The following XYLT1 variants were observed in gnomAD, a reference collection of about 807,000 sequenced individuals.
XYLT1 encodes the protein xylosyltransferase 1.
In XYLT1, 36 loss-of-function variants were observed where a neutral mutation model predicts 91.3. The observed-to-expected ratio is 0.39, with a 90% CI of 0.30 to 0.52. The LOEUF (loss-of-function observed/expected upper bound fraction) is 0.52. XYLT1 is among the 20% of genes least tolerant of loss of function. XYLT1 has a pLI of 0.68. For synonymous variants in XYLT1, 588 were observed against 532.0 expected, an observed-to-expected ratio of 1.11 and a Z score of -1.45; for missense variants, 1,242 against 1,284.5, an observed-to-expected ratio of 0.97 and a Z score of 0.51.
chr16:17,134,772 AG>A, intron 8 of XYLT1, 37 bp from the exon 9 acceptor site: 1 of 1,607,680 alleles, frequency 6.2e-7, no homozygotes, highest in Non-Finnish European at 8.5e-7. Flanking sequence ...AAGCCACATC[AG>A]CGAGTGCTGG....
At chr16:17,282,660 A>G (rs2034075313) in intron 2 of XYLT1, among the ~76,000 whole-genome samples, 2 of 152,214 alleles carry the variant, frequency 1.3e-5, no homozygotes, top group Admixed American at 1.3e-4. Context: ...TGGGTCTTTC[A>G]TGGTGTAACT....
rs561462565 is a variant in XYLT1 at position 17,287,782 on chromosome 16, C to A, written c.403-28284G>T. Among the ~76,000 whole-genome samples the A allele has an allele frequency of 5.3e-5, 8 of 152,218 alleles. 1 individual carries two copies. In the East Asian group the frequency reaches 1.5e-3, roughly 29 times the overall value. The stretch of plus-strand genomic sequence containing the variant: ...GGCAAAAGAAAGACAGACAGACAGA[C>A]GCTGGGCATCTAAAGAAGGGGTGGA... On this transcript the variant is annotated intron_variant, in intron 2 of 11. Coordinates refer to ENST00000261381, the MANE Select transcript of XYLT1 (RefSeq NM_022166.4).
At position 17,172,204 on chromosome 16, in the gene XYLT1, C is replaced by T. The variant is rs141946233; in HGVS notation, c.1290-13295G>A. On this transcript the variant is annotated intron_variant, in intron 5 of 11. Coordinates refer to ENST00000261381, the MANE Select transcript of XYLT1 (RefSeq NM_022166.4). ...TATTCCCTCCTTCCTTCCCTCCTCT[C>T]TCCCTTTTTTTTCTCTCCCTCTTCC... Among the ~76,000 whole-genome samples, 951 of 152,192 alleles carry T rather than the reference C, an allele frequency of 6.2e-3. 6 individuals are homozygous for T. Among genetic ancestry groups the T allele is most frequent in the African/African-American group, 0.022 (907 of 41,506 alleles).
At chr16:17,303,129 A>C (rs111379385) in intron 2 of XYLT1, among the ~76,000 whole-genome samples, 2 of 152,194 alleles carry the variant, frequency 1.3e-5, no homozygotes, top group African/African-American at 2.4e-5. Context: ...ACCATGTGCA[A>C]AGAATTGGGC....
intron 5 of XYLT1, among the ~76,000 whole-genome samples, chr16:17,175,143 A>G (rs758028088): frequency 2.0e-5 from 3 of 152,166 alleles, no homozygotes; most frequent in Non-Finnish European, 2.9e-5. Context: ...GAACCCCAAA[A>G]TTTCAAACTG....
chr16:17,274,103 C>A (rs1056829126), intron 2 of XYLT1, among the ~76,000 whole-genome samples: 6 of 151,758 alleles, frequency 4.0e-5, no homozygotes, highest in Non-Finnish European at 8.8e-5. Context: ...GTAGAGACAG[C>A]GTTTCACCAT....
chr16:17,352,452 C>G (rs2035235077), intron 2 of XYLT1, among the ~76,000 whole-genome samples: 1 of 152,192 alleles, frequency 6.6e-6, no homozygotes, highest in African/African-American at 2.4e-5. Flanking sequence ...TTCATCTTGA[C>G]ATTATAATGA....
intron 1 of XYLT1, among the ~76,000 whole-genome samples, chr16:17,395,471 C>G (rs2035872002): frequency 6.6e-6 from 1 of 152,214 alleles, no homozygotes; most frequent in Non-Finnish European, 1.5e-5. Context: ...GATCGCACCA[C>G]TGCACTCCAG....
At chr16:17,142,469 G>A (rs1002706154) in intron 6 of XYLT1, among the ~76,000 whole-genome samples, 7 of 132,948 alleles carry the variant, frequency 5.3e-5, no homozygotes, top group African/African-American at 1.7e-4. Flanking sequence ...GGTCTCACTC[G>A]GTAGCTCAGG....
chr16:17,266,849 C>T (rs944075788), intron 2 of XYLT1, among the ~76,000 whole-genome samples: 44 of 152,318 alleles, frequency 2.9e-4, no homozygotes, highest in African/African-American at 8.9e-4. Context: ...AAAGGACCTC[C>T]GTGCCAGGGT....
chr16:17,434,989 C>T (rs116157261), intron 1 of XYLT1, among the ~76,000 whole-genome samples: 235 of 152,328 alleles, frequency 1.5e-3, no homozygotes, highest in African/African-American at 5.3e-3. Context: ...TGCTCAGTGA[C>T]GCTTGGCCCA....
chr16:17,335,510 G>A (rs1184677891), intron 2 of XYLT1, among the ~76,000 whole-genome samples: 1 of 151,614 alleles, frequency 6.6e-6, no homozygotes, highest in Non-Finnish European at 1.5e-5. Context: ...GACCAACATG[G>A]AGAAACCATA....
At chr16:17,203,952 A>G (rs1001250940) in intron 3 of XYLT1, among the ~76,000 whole-genome samples, 7 of 152,226 alleles carry the variant, frequency 4.6e-5, no homozygotes, top group African/African-American at 1.4e-4. Context: ...TCTGATCCAG[A>G]GGAGCTGGTG....
At chr16:17,258,892 T>G in intron 3 of XYLT1, 96 bp downstream of exon 3, 5 of 1,375,144 alleles carry the variant, frequency 3.6e-6, no homozygotes, top group Non-Finnish European at 2.8e-6. Flanking sequence ...AGGGTGGCCT[T>G]TCTCAGAAGG....
chr16:17,214,851 A>G (rs975625964), intron 3 of XYLT1, among the ~76,000 whole-genome samples: 10 of 152,136 alleles, frequency 6.6e-5, no homozygotes, highest in Non-Finnish European at 1.3e-4. Context: ...ATTTCCCTCT[A>G]TGCTCCTCCA....
intron 1 of XYLT1, among the ~76,000 whole-genome samples, chr16:17,431,590 T>C (rs886591838): frequency 6.6e-6 from 1 of 152,230 alleles, no homozygotes. Flanking sequence ...TACCATGTCA[T>C]TGGTGATCAA....
chr16:17,109,774 C>T (rs1015128605), intron 11 of XYLT1, among the ~76,000 whole-genome samples: 17 of 152,176 alleles, frequency 1.1e-4, no homozygotes, highest in African/African-American at 4.1e-4. Flanking sequence ...ATTTTGCTGA[C>T]TCCTGGGTTG....
At chr16:17,196,843 C>T (rs559965096) in intron 5 of XYLT1, among the ~76,000 whole-genome samples, 5 of 151,794 alleles carry the variant, frequency 3.3e-5, no homozygotes, top group East Asian at 3.9e-4. Flanking sequence ...CCAAGGCAGG[C>T]GGATCACCTG....
At chr16:17,210,039 C>A (rs551962880) in intron 3 of XYLT1, among the ~76,000 whole-genome samples, 17 of 152,216 alleles carry the variant, frequency 1.1e-4, no homozygotes, top group African/African-American at 4.1e-4. Context: ...GGACTAGAGG[C>A]ATGAACACCA....
Sources: gnomAD v4.1 joint callset for allele counts (sites outside exome capture counted in the v4.1 genomes callset) on GRCh38, gnomAD v4.1.1 for gene constraint, MANE v1.5 for transcripts, NCBI Gene and HGNC (gene_info 2026-07-23, HGNC 2026-07-21) for gene names.